RASA1: variants seen among roughly 807,000 people sequenced by gnomAD.
The protein encoded by RASA1 is ras GTPase-activating protein 1.
RASA1 carries 25 observed loss-of-function variants against 132.2 expected under a neutral mutation model. That is an observed-to-expected ratio of 0.19 (90% confidence interval 0.14 to 0.26). The LOEUF is 0.26. Among genes scored for constraint, RASA1 ranks in the 10% least tolerant of loss-of-function variants. The pLI, the probability that RASA1 is intolerant of heterozygous loss-of-function variation, is 1.00. For missense variants in RASA1, 964 were observed against 1,299.2 expected, an observed-to-expected ratio of 0.74 and a Z score of 3.97; for synonymous variants, 477 against 449.9, an observed-to-expected ratio of 1.06 and a Z score of -0.76.
chr5:87,332,648 T>C lies in RASA1; in HGVS notation c.828+6T>C. On this transcript the variant is annotated splice_donor_region_variant and intron_variant, in intron 3 of 24. Coordinates refer to ENST00000274376, the MANE Select transcript of RASA1 (RefSeq NM_002890.3). The stretch of plus-strand genomic sequence containing the variant: ...ACCCAGTTGCACCACCAGAGGCAAG[T>C]AAAATGAATAAAATATCTTTCAAAA... The C allele has an allele frequency of 6.2e-7, 1 of 1,604,516 alleles. No homozygotes were observed. The highest frequency in any genetic ancestry group is 8.5e-7 in the Non-Finnish European group (1 of 1,172,310).
intron 1 of RASA1, among the ~76,000 whole-genome samples, chr5:87,283,381 C>G (rs1002643188): frequency 6.6e-6 from 1 of 151,656 alleles, no homozygotes; most frequent in Admixed American, 6.6e-5. Flanking sequence ...TTGTGACTTT[C>G]TTGGTTCTTG....
chr5:87,377,843 T>C (rs1761430817), intron 17 of RASA1, among the ~76,000 whole-genome samples: 6 of 152,176 alleles, frequency 3.9e-5, no homozygotes, highest in Admixed American at 2.0e-4. Flanking sequence ...AGAACTATTT[T>C]CCTCCTCATC....
intron 1 of RASA1, among the ~76,000 whole-genome samples, chr5:87,277,003 T>C (rs1754088107): frequency 6.6e-6 from 1 of 152,174 alleles, no homozygotes; most frequent in African/African-American, 2.4e-5. Context: ...TATTTATAAT[T>C]CATTTTTTTT....
chr5:87,374,034 A>G (rs1761137922), intron 13 of RASA1, 129 bp from the exon 14 acceptor site: 1 of 801,840 alleles, frequency 1.2e-6, no homozygotes, highest in Non-Finnish European at 1.6e-6. Flanking sequence ...CAAAGCTCAC[A>G]TTTTCTGAAA....
chr5:87,285,763 C>T (rs1486792239), intron 1 of RASA1, among the ~76,000 whole-genome samples: 5 of 150,848 alleles, frequency 3.3e-5, no homozygotes, highest in Admixed American at 2.0e-4. Flanking sequence ...GGATCATAGG[C>T]GCACACCACC....
At chr5:87,323,108 A>T (rs1245359764) in intron 1 of RASA1, among the ~76,000 whole-genome samples, 1 of 152,210 alleles carries the variant, frequency 6.6e-6, no homozygotes, top group Non-Finnish European at 1.5e-5. Flanking sequence ...TGGATAACTG[A>T]TATTTCCATG....
At position 87,307,121 on chromosome 5, in the gene RASA1, G is replaced by T. The variant is rs986717682; in HGVS notation, c.540-24227G>T. Among the ~76,000 whole-genome samples, 10 of 152,272 alleles carry T rather than the reference G, an allele frequency of 6.6e-5. No homozygotes were observed. In the East Asian group the frequency reaches 1.9e-3, roughly 29 times the overall value. On this transcript the variant is annotated intron_variant, in intron 1 of 24. Transcript: ENST00000274376. Reference sequence around the variant, plus strand: ...TGGCTTCAAGGATCCTCCCTCGTCAGCCTCCTGAAGTGTTGGGATAACAGG... The same window carrying T: ...TGGCTTCAAGGATCCTCCCTCGTCATCCTCCTGAAGTGTTGGGATAACAGG...
chr5:87,280,914 C>T (rs1754290138), intron 1 of RASA1, among the ~76,000 whole-genome samples: 1 of 151,506 alleles, frequency 6.6e-6, no homozygotes, highest in Non-Finnish European at 1.5e-5. Flanking sequence ...TGCCACCACG[C>T]CTGGCTAATT....
chr5:87,374,393 C>G, intron 14 of RASA1, 73 bp downstream of exon 14: 1 of 1,386,204 alleles, frequency 7.2e-7, no homozygotes, highest in Non-Finnish European at 9.9e-7. Flanking sequence ...TTTTTGGTCT[C>G]TGTATCTAAA....
chr5:87,375,815 G>A (rs1361289226), intron 15 of RASA1, among the ~76,000 whole-genome samples: 2 of 152,136 alleles, frequency 1.3e-5, no homozygotes, highest in Admixed American at 1.3e-4. Context: ...ACAGATCAAA[G>A]CCTGAATATT....
intron 20 of RASA1, among the ~76,000 whole-genome samples, chr5:87,383,093 CAAAG>C (rs1004145250): frequency 6.6e-6 from 1 of 151,784 alleles, no homozygotes; most frequent in Non-Finnish European, 1.5e-5. Flanking sequence ...AACCCTATCT[CAAAG>C]AAAACAAAGA....
Position 87,380,493 on chromosome 5 carries a change from T to G in RASA1, c.2604-16T>G. Reference sequence around the variant, plus strand: ...CACTTGCTTTCTGTGTTGAGATGATTGTGTTATTTTGGCAGGACATTGAGA... The same window carrying G: ...CACTTGCTTTCTGTGTTGAGATGATGGTGTTATTTTGGCAGGACATTGAGA... On this transcript the variant is annotated splice_polypyrimidine_tract_variant and intron_variant, in intron 19 of 24. Transcript: ENST00000274376. 1 of 1,595,498 alleles carries G rather than the reference T, an allele frequency of 6.3e-7. No homozygotes were observed. The highest frequency in any genetic ancestry group is 8.6e-7 in the Non-Finnish European group (1 of 1,163,236).
At chr5:87,376,305 G>A in intron 15 of RASA1, 88 bp from the exon 16 acceptor site, 1 of 1,457,800 alleles carries the variant, frequency 6.9e-7, no homozygotes, top group Non-Finnish European at 9.5e-7. Context: ...TAACACCATA[G>A]GGAAGACTGA....
chr5:87,273,812 C>A (rs544722150), intron 1 of RASA1, among the ~76,000 whole-genome samples: 1 of 151,720 alleles, frequency 6.6e-6, no homozygotes, highest in African/African-American at 2.4e-5. Context: ...ATTCTCCTGC[C>A]TCTGCCTCCC....
At chr5:87,280,847 C>T (rs976514784) in intron 1 of RASA1, among the ~76,000 whole-genome samples, 3 of 151,892 alleles carry the variant, frequency 2.0e-5, no homozygotes, top group African/African-American at 7.3e-5. Flanking sequence ...AAGTCCACCT[C>T]CCCAGTTCAT....
In RASA1 at chr5:87,268,357, G is replaced by A; in HGVS notation, c.-95G>A. Reference sequence around the variant, plus strand: ...TTCCTCAGCCTGGGGAGCTGAAGGGGAGACGCGTCTGGGTGGGGCTGCTCG... The same window carrying A: ...TTCCTCAGCCTGGGGAGCTGAAGGGAAGACGCGTCTGGGTGGGGCTGCTCG... On this transcript the variant is annotated 5_prime_UTR_variant, in exon 1 of 25. Coordinates refer to ENST00000274376, the MANE Select transcript of RASA1 (RefSeq NM_002890.3). 9 of 1,391,938 alleles carry A rather than the reference G, an allele frequency of 6.5e-6. No individual in the cohort carries two copies. The highest frequency in any genetic ancestry group is 1.5e-5 in the African/African-American group (1 of 67,968). 86.2% of individuals were successfully genotyped at this position (1,391,938 alleles called of 1,614,324 possible).
chr5:87,379,045 C>T (rs1364536369), intron 18 of RASA1, among the ~76,000 whole-genome samples: 2 of 152,282 alleles, frequency 1.3e-5, no homozygotes, highest in African/African-American at 2.4e-5. Context: ...CACATATTCT[C>T]TCATTTTAAT....
intron 4 of RASA1, among the ~76,000 whole-genome samples, chr5:87,337,649 C>T (rs961315676): frequency 6.6e-6 from 1 of 151,896 alleles, no homozygotes; most frequent in African/African-American, 2.4e-5. Flanking sequence ...TAGTTACACC[C>T]CAAAACCTTC....
intron 2 of RASA1, among the ~76,000 whole-genome samples, 198 bp from the exon 3 acceptor site, chr5:87,332,309 G>A (rs1187901546): frequency 1.3e-5 from 2 of 152,040 alleles, no homozygotes; most frequent in African/African-American, 4.8e-5. Flanking sequence ...CACATCAAAT[G>A]CATGTATATA....
Sources: gnomAD v4.1 joint callset for allele counts (sites outside exome capture counted in the v4.1 genomes callset) on GRCh38, gnomAD v4.1.1 for gene constraint, MANE v1.5 for transcripts, NCBI Gene and HGNC (gene_info 2026-07-23, HGNC 2026-07-21) for gene names.